Variants in EP300 observed in about 807,000 individuals in gnomAD.
EP300 encodes EP300 lysine acetyltransferase.
A neutral mutation model predicts 264.0 loss-of-function variants in EP300; 31 were observed. That is an observed-to-expected ratio of 0.12 (90% CI 0.09 to 0.16). The LOEUF (loss-of-function observed/expected upper bound fraction) is 0.16, where lower values mean the gene tolerates loss of function less well. Ranked by LOEUF, EP300 falls within the 10% of genes least tolerant of loss-of-function variation. EP300 has a pLI of 1.00. For synonymous variants in EP300, 1,340 were observed against 1,045.4 expected, an observed-to-expected ratio of 1.28 and a Z score of -5.44; for missense variants, 2,766 against 3,052.9, an observed-to-expected ratio of 0.91 and a Z score of 2.21.
In EP300 at chr22:41,092,739, C is replaced by T. The variant is rs1363096620; in HGVS notation, c.-266C>T. 1.6e-6 allele frequency: 1 copy of T among 609,478 alleles called. No homozygotes were observed. Among genetic ancestry groups the T allele is most frequent in the Admixed American group, 3.0e-5 (1 of 32,790 alleles). 37.8% of individuals were successfully genotyped at this position (609,478 alleles called of 1,614,324 possible). On this transcript the variant is annotated 5_prime_UTR_variant, in exon 1 of 31. Coordinates refer to ENST00000263253, the MANE Select transcript of EP300 (RefSeq NM_001429.4). ...TCTCGGGAATTCGCCGCAGCGGACG[C>T]GCTCGGCGAATTTGTGCTCTTGTGC...
At chr22:41,173,944 C>A (rs897104110) in intron 29 of EP300, among the ~76,000 whole-genome samples, 160 bp downstream of exon 29, 6 of 152,034 alleles carry the variant, frequency 3.9e-5, no homozygotes, top group African/African-American at 1.4e-4. Flanking sequence ...AAACCTTGCT[C>A]TACTAAAAAT....
At chr22:41,129,042 G>A (rs921557236) in intron 4 of EP300, among the ~76,000 whole-genome samples, 1 of 151,680 alleles carries the variant, frequency 6.6e-6, no homozygotes, top group Non-Finnish European at 1.5e-5. Flanking sequence ...ATGGAGTCTC[G>A]CTCTGTCGCC....
intron 13 of EP300, among the ~76,000 whole-genome samples, 173 bp downstream of exon 13, chr22:41,149,348 A>G (rs1463400531): frequency 6.6e-6 from 1 of 152,232 alleles, no homozygotes; most frequent in East Asian, 1.9e-4. Flanking sequence ...TCTGTGACAT[A>G]GCAATGGTGT....
chr22:41,163,978 A>G, intron 21 of EP300, 75 bp from the exon 22 acceptor site: 1 of 1,331,210 alleles, frequency 7.5e-7, no homozygotes, highest in Admixed American at 1.7e-5. Context: ...CTTTGTCAGA[A>G]GTCATGGGAA....
chr22:41,097,822 G>T (rs951138638), intron 1 of EP300, among the ~76,000 whole-genome samples: 4 of 151,588 alleles, frequency 2.6e-5, no homozygotes, highest in South Asian at 4.2e-4. Flanking sequence ...GTCTCGCTTT[G>T]TAGCTGGGAC....
At chr22:41,111,420 A>G (rs1371195363) in intron 1 of EP300, among the ~76,000 whole-genome samples, 9 of 152,208 alleles carry the variant, frequency 5.9e-5, no homozygotes, top group Admixed American at 1.3e-4. Context: ...AATTGACAAC[A>G]GTTGTGTATA....
intron 23 of EP300, among the ~76,000 whole-genome samples, chr22:41,167,815 T>TTTTTTTTTTG (rs1569115877): frequency 9.2e-5 from 4 of 43,626 alleles, no homozygotes; most frequent in Non-Finnish European, 1.6e-4. Context: ...TTTGTTTTTG[T>TTTTTTTTTTG]TTTTTTTTTT....
At chr22:41,125,839 GTT>G in intron 2 of EP300, 23 bp from the exon 3 acceptor site, 1 of 1,608,508 alleles carries the variant, frequency 6.2e-7, no homozygotes, top group Non-Finnish European at 8.5e-7. Context: ...TGCTTATTTT[GTT>G]TTCTTTTGTT....
chr22:41,140,382 T>G, intron 9 of EP300, 125 bp downstream of exon 9: 1 of 784,992 alleles, frequency 1.3e-6, no homozygotes. Context: ...CTATCCCGTC[T>G]TATTGTCCCC....
At chr22:41,094,845 G>A (rs2058693445) in intron 1 of EP300, among the ~76,000 whole-genome samples, 2 of 152,250 alleles carry the variant, frequency 1.3e-5, no homozygotes, top group Admixed American at 6.5e-5. Flanking sequence ...CCTGATTTGA[G>A]CAGTTTCGTC....
At chr22:41,130,084 G>T (rs539497088) in intron 5 of EP300, 81 bp downstream of exon 5, 2 of 1,010,132 alleles carry the variant, frequency 2.0e-6, no homozygotes, top group South Asian at 2.6e-5. Flanking sequence ...ACTTGATTAT[G>T]TGAGGGACCT....
chr22:41,092,941 G>A lies in EP300; in HGVS notation c.-64G>A. The A allele has an allele frequency of 6.3e-7, 1 of 1,585,266 alleles. No homozygotes were observed. Among genetic ancestry groups the A allele is most frequent in the Non-Finnish European group, 8.7e-7 (1 of 1,154,464 alleles). On this transcript the variant is annotated 5_prime_UTR_variant, in exon 1 of 31. Coordinates refer to ENST00000263253, the MANE Select transcript of EP300 (RefSeq NM_001429.4). Reference sequence around the variant, plus strand: ...CCCTGGGTGCGGCGCGGGGACCCCGGGCCGAAGAAGAGATTTCCTGAGGAT... The same window carrying A: ...CCCTGGGTGCGGCGCGGGGACCCCGAGCCGAAGAAGAGATTTCCTGAGGAT...
intron 2 of EP300, among the ~76,000 whole-genome samples, chr22:41,119,172 ATTATTTTTTTTTTT>A (rs1327322804): frequency 9.3e-6 from 1 of 107,274 alleles, no homozygotes; most frequent in Non-Finnish European, 1.8e-5. Context: ...CTGGCTTATT[ATTATTTTTTTTTTT>A]TTTTTTTTTT....
Position 41,131,417 on chromosome 22 carries a change from G to C in EP300, c.1312G>C (p.Gly438Arg), listed in dbSNP as rs2058918645. The C allele has an allele frequency of 6.2e-7, 1 of 1,613,922 alleles. No individual in the cohort carries two copies. Among genetic ancestry groups the C allele is most frequent in the East Asian group, 2.2e-5 (1 of 44,878 alleles). Residue 438 changes from glycine to arginine, a missense_variant, in exon 6 of 31, where the codon GGA becomes CGA. Gly to Arg is a moderately radical substitution (Grantham distance 125). Transcript: ENST00000263253. ...PILTGAPVGL[G>R]NPSSLGVGQQ... is the part of the protein sequence containing the mutation. ...TTTGACTGGAGCACCCGTTGGACTT[G>C]GAAATCCTAGCTCTCTAGGGGTGGG...
chr22:41,094,549 C>G (rs2058691682), intron 1 of EP300, among the ~76,000 whole-genome samples: 1 of 152,176 alleles, frequency 6.6e-6, no homozygotes, highest in African/African-American at 2.4e-5. Context: ...TATGAAGGTA[C>G]TGTAGTCTCC....
chr22:41,132,067 G>A (rs1163913679), intron 6 of EP300, among the ~76,000 whole-genome samples: 4 of 151,594 alleles, frequency 2.6e-5, no homozygotes, highest in Non-Finnish European at 5.9e-5. Flanking sequence ...GTGGTGGTGC[G>A]TGCCTGTAAT....
chr22:41,174,708 A>G (rs1273230777), intron 29 of EP300: 2 of 152,030 alleles, frequency 1.3e-5, no homozygotes, highest in African/African-American at 2.4e-5. Flanking sequence ...TCATTTTACT[A>G]TCTCGGTTCT....
At chr22:41,117,144 G>A in intron 1 of EP300, 43 bp from the exon 2 acceptor site, 1 of 1,579,572 alleles carries the variant, frequency 6.3e-7, no homozygotes, top group Admixed American at 1.7e-5. Flanking sequence ...TTTTATTTTG[G>A]TTTTGTCATA....
chr22:41,167,277 G>A (rs773152394), intron 23 of EP300, among the ~76,000 whole-genome samples: 4 of 151,908 alleles, frequency 2.6e-5, no homozygotes, highest in Non-Finnish European at 5.9e-5. Context: ...GATTACAGGC[G>A]TGAACCACCA....
Sources: allele counts gnomAD v4.1 joint callset (sites outside exome capture counted in the v4.1 genomes callset), GRCh38; gene constraint gnomAD v4.1.1; transcripts MANE v1.5; gene names NCBI Gene and HGNC (gene_info 2026-07-23, HGNC 2026-07-21).